Variants in GLI3 observed in about 807,000 individuals in gnomAD.
The protein encoded by GLI3 is GLI family zinc finger 3.
In GLI3, 20 loss-of-function variants were observed where a neutral mutation model predicts 100.8. The ratio of observed to expected loss-of-function variants is 0.20; its 90% CI spans 0.14 to 0.29. The LOEUF is 0.29. Among genes scored for constraint, GLI3 ranks in the 10% least tolerant of loss-of-function variants. The probability of loss-of-function intolerance (pLI) is 1.00; values close to 1 mark genes in which losing one functional copy is unlikely to be tolerated. For missense variants in GLI3, 2,040 were observed against 2,128.5 expected (o/e 0.96, Z 0.82); for synonymous variants, 938 against 860.5 (o/e 1.09, Z -1.58).
intron 3 of GLI3, among the ~76,000 whole-genome samples, chr7:42,114,932 C>G (rs1785811619): frequency 6.6e-6 from 1 of 152,000 alleles, no homozygotes; most frequent in Non-Finnish European, 1.5e-5. Flanking sequence ...AAACTCCTGA[C>G]CTCAGGCAAT....
At chr7:42,027,734 T>C (rs1032694897) in intron 7 of GLI3, among the ~76,000 whole-genome samples, 2 of 152,196 alleles carry the variant, frequency 1.3e-5, no homozygotes, top group African/African-American at 2.4e-5. Context: ...TCATTAAGAA[T>C]ACCCTAGGAG....
chr7:42,032,178 C>T (rs1019618443), intron 7 of GLI3, among the ~76,000 whole-genome samples: 8 of 152,096 alleles, frequency 5.3e-5, no homozygotes, highest in African/African-American at 1.7e-4. Context: ...CACTGCATCT[C>T]ATTCATTAAT....
At chr7:42,060,528 T>C (rs1270001076) in intron 4 of GLI3, among the ~76,000 whole-genome samples, 2 of 152,230 alleles carry the variant, frequency 1.3e-5, no homozygotes, top group Admixed American at 6.5e-5. Flanking sequence ...TAAAAACTTT[T>C]GTCTTTAGAG....
At position 41,966,698 on chromosome 7, in the gene GLI3, T is replaced by TA. The variant is rs1724497524; in HGVS notation, c.2432-58dup. On this transcript the variant is annotated intron_variant, in intron 14 of 14. Transcript: ENST00000395925. The surrounding 1 kb of genome is among the most constrained non-coding windows in gnomAD (Gnocchi z 5.8). The stretch of plus-strand genomic sequence containing the variant: ...AGATGAATTCCCTTCGAGCATGACT[T>TA]ACACCAGGCATGAGCAACCCTTTTC... The TA allele has an allele frequency of 2.5e-6, 4 of 1,577,656 alleles. No individual in the cohort carries two copies. The highest frequency in any genetic ancestry group is 1.7e-5 in the Admixed American group (1 of 59,964).
upstream of GLI3, among the ~76,000 whole-genome samples, chr7:42,239,387 G>C (rs1400939477): frequency 6.6e-6 from 1 of 152,196 alleles, no homozygotes; most frequent in East Asian, 1.9e-4. Context: ...GAAAAGTATA[G>C]AGGGCTACAA....
At chr7:42,213,570 T>A (rs184157061) in intron 2 of GLI3, among the ~76,000 whole-genome samples, 129 of 152,258 alleles carry the variant, frequency 8.5e-4, no homozygotes, top group Non-Finnish European at 2.1e-4. Flanking sequence ...AGCTTTCTGC[T>A]CCATTTTCCA....
chr7:42,127,584 A>G (rs1216266142), intron 3 of GLI3, among the ~76,000 whole-genome samples: 1 of 152,240 alleles, frequency 6.6e-6, no homozygotes, highest in Non-Finnish European at 1.5e-5. Flanking sequence ...TTTAAACTCC[A>G]GTAGTGTTTG....
At chr7:42,069,085 G>A (rs1784734617) in intron 4 of GLI3, among the ~76,000 whole-genome samples, 1 of 152,116 alleles carries the variant, frequency 6.6e-6, no homozygotes, top group Non-Finnish European at 1.5e-5. Flanking sequence ...GGCGGCTTCC[G>A]GTTCAGTGAA....
intron 10 of GLI3, among the ~76,000 whole-genome samples, chr7:42,016,985 C>G (rs936876357): frequency 1.3e-5 from 2 of 152,176 alleles, no homozygotes; most frequent in African/African-American, 4.8e-5. Context: ...ATGTGTCCAC[C>G]ACAAAGCTGG....
At chr7:42,243,953 C>T (rs1037621749) in intron 1 of GLI3, among the ~76,000 whole-genome samples, 43 of 152,284 alleles carry the variant, frequency 2.8e-4, no homozygotes, top group African/African-American at 1.0e-3. Context: ...CCTGCCTCAG[C>T]CTCCCGAGTA....
At chr7:42,051,935 A>G (rs1052318963) in intron 4 of GLI3, among the ~76,000 whole-genome samples, 1 of 152,182 alleles carries the variant, frequency 6.6e-6, no homozygotes, top group African/African-American at 2.4e-5. Context: ...CCGTTACAGT[A>G]TCATACAGAG....
chr7:42,068,630 G>C (rs946655805), intron 4 of GLI3, among the ~76,000 whole-genome samples: 3 of 152,102 alleles, frequency 2.0e-5, no homozygotes, highest in Non-Finnish European at 2.9e-5. Flanking sequence ...GGCAGGGATG[G>C]GGATGCAACA....
intron 4 of GLI3, among the ~76,000 whole-genome samples, chr7:42,064,222 A>G (rs936836103): frequency 1.3e-5 from 2 of 152,200 alleles, no homozygotes; most frequent in African/African-American, 4.8e-5. Flanking sequence ...GTGGGCATGC[A>G]TGTGTCAGGG....
chr7:42,199,327 G>C (rs1787991757), intron 2 of GLI3, among the ~76,000 whole-genome samples: 1 of 152,152 alleles, frequency 6.6e-6, no homozygotes, highest in African/African-American at 2.4e-5. Context: ...GTAAATAACA[G>C]GCATCAGGCA....
chr7:42,245,570 A>G (rs1788962172), intron 1 of GLI3, among the ~76,000 whole-genome samples: 2 of 152,122 alleles, frequency 1.3e-5, no homozygotes, highest in Non-Finnish European at 1.5e-5. Flanking sequence ...AGTCCCAGCT[A>G]CTAGGGAGGC....
chr7:42,091,077 T>C (rs918541633), intron 3 of GLI3, among the ~76,000 whole-genome samples: 9 of 152,178 alleles, frequency 5.9e-5, no homozygotes, highest in African/African-American at 2.2e-4. Flanking sequence ...GGCCCGAGCA[T>C]GGTTTAATGT....
chr7:42,214,805 A>T (rs138678917), intron 2 of GLI3, among the ~76,000 whole-genome samples: 260 of 150,632 alleles, frequency 1.7e-3, no homozygotes, highest in African/African-American at 6.1e-3. Context: ...GCTGTCTTGT[A>T]GTTTTAAACA....
At chr7:42,011,952 G>A (rs1788623542) in intron 10 of GLI3, among the ~76,000 whole-genome samples, 1 of 152,212 alleles carries the variant, frequency 6.6e-6, no homozygotes, top group Admixed American at 6.5e-5. Flanking sequence ...ACATGTTTAT[G>A]CTAGCCCAGT....
intron 2 of GLI3, among the ~76,000 whole-genome samples, chr7:42,174,994 C>T (rs898182357): frequency 1.3e-5 from 2 of 152,168 alleles, no homozygotes; most frequent in Admixed American, 6.5e-5. Flanking sequence ...GTCTATGAAG[C>T]GGTGGGATTG....
Sources: gnomAD v4.1 joint callset for allele counts (sites outside exome capture counted in the v4.1 genomes callset) on GRCh38, gnomAD v4.1.1 for gene constraint, Gnocchi (gnomAD v3.1) non-coding constraint, MANE v1.5 for transcripts, NCBI Gene and HGNC (gene_info 2026-07-23, HGNC 2026-07-21) for gene names.